Variants in ACSM1 observed in about 807,000 individuals in gnomAD.
ACSM1 encodes acyl-coenzyme A synthetase ACSM1, mitochondrial.
Under a neutral mutation model 75.8 loss-of-function variants are expected in ACSM1, and 79 were observed. That is an observed-to-expected ratio of 1.04 (90% CI 0.87 to 1.26). The LOEUF is 1.26. Among genes scored for constraint, ACSM1 ranks in the 50% most tolerant of loss-of-function variants. ACSM1 has a pLI of 0.00. For synonymous variants in ACSM1, 279 were observed against 265.8 expected, an observed-to-expected ratio of 1.05 and a Z score of -0.48; for missense variants, 676 against 720.1, an observed-to-expected ratio of 0.94 and a Z score of 0.70.
At chr16:20,637,252 G>A (rs2355930) in intron 9 of ACSM1, 119 bp downstream of exon 9, 210,619 of 872,200 alleles carry the variant, frequency 0.24, 30,314 homozygotes, top group African/African-American at 0.5. Context: ...GGATAAATGA[G>A]AAGAGAGGAG....
At chr16:20,637,348 T>C in intron 9 of ACSM1, 23 bp downstream of exon 9, 1 of 1,609,814 alleles carries the variant, frequency 6.2e-7, no homozygotes, top group African/African-American at 1.3e-5. Flanking sequence ...AACTGCTCCC[T>C]GCCAATGCCC....
intron 7 of ACSM1, among the ~76,000 whole-genome samples, chr16:20,650,647 AGC>A (rs2018597233): frequency 6.7e-6 from 1 of 150,260 alleles, no homozygotes; most frequent in African/African-American, 2.5e-5. Context: ...CCTAGGCTAC[AGC>A]TCAGTTCCTC....
At chr16:20,659,119 C>A (rs756562865) in intron 7 of ACSM1, among the ~76,000 whole-genome samples, 12 of 152,156 alleles carry the variant, frequency 7.9e-5, no homozygotes, top group Non-Finnish European at 1.6e-4. Flanking sequence ...GAACATAGAT[C>A]TGATCTGGGA....
intron 4 of ACSM1, among the ~76,000 whole-genome samples, chr16:20,678,697 T>C (rs976973976): frequency 6.6e-6 from 1 of 152,210 alleles, no homozygotes; most frequent in Non-Finnish European, 1.5e-5. Flanking sequence ...AGGACTTAAC[T>C]TGACTATTAA....
intron 7 of ACSM1, among the ~76,000 whole-genome samples, chr16:20,643,549 G>A (rs558664531): frequency 6.6e-6 from 1 of 152,350 alleles, no homozygotes; most frequent in East Asian, 1.9e-4. Context: ...GACCCTCGTG[G>A]TGAGTGTTAC....
chr16:20,695,689 A>C (rs918932836), intron 1 of ACSM1, among the ~76,000 whole-genome samples: 3 of 151,804 alleles, frequency 2.0e-5, no homozygotes, highest in Non-Finnish European at 4.4e-5. Flanking sequence ...TCATCTATCT[A>C]TCTATCTATC....
intron 4 of ACSM1, chr16:20,681,187 C>T (rs2079439382): frequency 6.6e-6 from 1 of 152,100 alleles, no homozygotes; most frequent in Admixed American, 6.6e-5. Flanking sequence ...AAATTATAAC[C>T]AATGAAACAT....
intron 7 of ACSM1, among the ~76,000 whole-genome samples, chr16:20,645,846 C>T (rs2018330143): frequency 6.6e-6 from 1 of 152,108 alleles, no homozygotes; most frequent in Non-Finnish European, 1.5e-5. Context: ...CAATGATGTC[C>T]ACTATAATAC....
chr16:20,683,646 C>CTTTTT (rs36182498), intron 3 of ACSM1, among the ~76,000 whole-genome samples: 1 of 136,870 alleles, frequency 7.3e-6, no homozygotes, highest in African/African-American at 2.8e-5. Flanking sequence ...CAGCTCAAGT[C>CTTTTT]TTTTTTTTTT....
chr16:20,662,183 T>C (rs1226500286), intron 6 of ACSM1, among the ~76,000 whole-genome samples: 4 of 152,148 alleles, frequency 2.6e-5, no homozygotes, highest in African/African-American at 9.7e-5. Flanking sequence ...AAAAGTTCTG[T>C]AGGAACACAG....
At chr16:20,694,795 G>T (rs2152344347) in intron 1 of ACSM1, among the ~76,000 whole-genome samples, 1 of 152,286 alleles carries the variant, frequency 6.6e-6, no homozygotes, top group East Asian at 1.9e-4. Context: ...CTTTAAAAAT[G>T]TAATTAAGTT....
At chr16:20,647,268 C>T (rs187431554) in intron 7 of ACSM1, among the ~76,000 whole-genome samples, 4 of 152,280 alleles carry the variant, frequency 2.6e-5, no homozygotes, top group African/African-American at 9.6e-5. Context: ...TGGATTAAAA[C>T]CTTGGACCGG....
At chr16:20,685,846 A>T (rs1388297100) in intron 2 of ACSM1, among the ~76,000 whole-genome samples, 1 of 102,688 alleles carries the variant, frequency 9.7e-6, no homozygotes, top group East Asian at 3.1e-4. Flanking sequence ...CAAAAAAAAA[A>T]CAAAAAACTT....
Position 20,640,560 on chromosome 16 carries a change from G to A in ACSM1, c.1017C>T (p.His339=). Reference sequence around the variant, plus strand: ...ACACGACCTCCCCGCCAGTATAGCAGTGCTCCAGGGCAGGGAACCTGATGC... The same window carrying A: ...ACACGACCTCCCCGCCAGTATAGCAATGCTCCAGGGCAGGGAACCTGATGC... The part of the protein sequence containing the change: ...FTSIRFPALE[H]CYTGGEVVLP... The change falls in exon 8 of 14, where the codon CAC becomes CAT. Residue 339 remains histidine (H), a synonymous_variant. Coordinates refer to ENST00000520010, the MANE Select transcript of ACSM1 (RefSeq NM_001318890.3). 1 of 1,614,190 alleles carries A rather than the reference G, an allele frequency of 6.2e-7. No individual in the cohort carries two copies. The highest frequency in any genetic ancestry group is 8.5e-7 in the Non-Finnish European group (1 of 1,180,014).
intron 9 of ACSM1, 180 bp from the exon 10 acceptor site, chr16:20,637,020 G>A: frequency 1.0e-5 from 7 of 693,648 alleles, no homozygotes; most frequent in Non-Finnish European, 1.6e-5. Flanking sequence ...CTCAAGCCAA[G>A]GGTCTATGTT....
At chr16:20,640,270 C>A (rs1350217801) in intron 8 of ACSM1, among the ~76,000 whole-genome samples, 191 bp downstream of exon 8, 2 of 152,200 alleles carry the variant, frequency 1.3e-5, no homozygotes, top group Non-Finnish European at 2.9e-5. Flanking sequence ...CTCGTAACTA[C>A]CCCACCTTTA....
intron 1 of ACSM1, among the ~76,000 whole-genome samples, chr16:20,693,518 C>A (rs2079673941): frequency 1.3e-5 from 2 of 152,156 alleles, no homozygotes; most frequent in African/African-American, 4.8e-5. Flanking sequence ...TTTAAGTTCC[C>A]TCTTGCTCAC....
intron 10 of ACSM1, among the ~76,000 whole-genome samples, chr16:20,635,871 C>T (rs947109092): frequency 6.6e-5 from 10 of 152,090 alleles, no homozygotes; most frequent in African/African-American, 2.4e-4. Context: ...GAACTCCTGA[C>T]CTCGTGATCC....
intron 7 of ACSM1, among the ~76,000 whole-genome samples, chr16:20,654,966 C>T (rs375464914): frequency 1.3e-5 from 2 of 151,964 alleles, no homozygotes; most frequent in African/African-American, 4.8e-5. Context: ...TATTGTGGCA[C>T]TATTCACAAT....
Sources: gnomAD v4.1 joint callset for allele counts (sites outside exome capture counted in the v4.1 genomes callset) on GRCh38, gnomAD v4.1.1 for gene constraint, MANE v1.5 for transcripts, NCBI Gene and HGNC (gene_info 2026-07-23, HGNC 2026-07-21) for gene names.